FOXN3: variants seen among roughly 807,000 people sequenced by gnomAD.
FOXN3 encodes forkhead box protein N3.
Under a neutral mutation model 38.4 loss-of-function variants are expected in FOXN3, and 7 were observed. That is an observed-to-expected ratio of 0.18 (90% CI 0.10 to 0.34). The LOEUF is 0.34. FOXN3 is among the 10% of genes least tolerant of loss of function. FOXN3 has a pLI of 1.00. For missense variants in FOXN3, 456 were observed against 613.4 expected (o/e 0.74, Z 2.71); for synonymous variants, 230 against 242.2 (o/e 0.95, Z 0.47).
At chr14:89,165,093 T>C (rs1887206264) in intron 5 of FOXN3, among the ~76,000 whole-genome samples, 1 of 152,140 alleles carries the variant, frequency 6.6e-6, no homozygotes, top group South Asian at 2.1e-4. Flanking sequence ...ACACTTACAA[T>C]GTGTGCATTT....
At chr14:89,541,440 T>C (rs1374218240) in intron 1 of FOXN3, among the ~76,000 whole-genome samples, 1 of 152,124 alleles carries the variant, frequency 6.6e-6, no homozygotes, top group African/African-American at 2.4e-5. Context: ...CACAGGGACC[T>C]CTGGTCCTCC....
At chr14:89,578,862 G>C (rs967337541) in intron 1 of FOXN3, among the ~76,000 whole-genome samples, 3 of 151,888 alleles carry the variant, frequency 2.0e-5, no homozygotes, top group Admixed American at 2.0e-4. Flanking sequence ...GTTTTGTTTT[G>C]TTTGAGACAG....
intron 3 of FOXN3, among the ~76,000 whole-genome samples, chr14:89,348,186 GC>G (rs1382596261): frequency 1.3e-5 from 2 of 151,932 alleles, no homozygotes; most frequent in Non-Finnish European, 2.9e-5. Flanking sequence ...CTAAGTACCA[GC>G]CCCATGAAAG....
At chr14:89,396,377 C>T (rs1186528032) in intron 2 of FOXN3, among the ~76,000 whole-genome samples, 1 of 152,188 alleles carries the variant, frequency 6.6e-6, no homozygotes, top group Non-Finnish European at 1.5e-5. Flanking sequence ...CCAAGGCTTT[C>T]GGCACAGATC....
chr14:89,322,463 A>G (rs1887923470), intron 3 of FOXN3, among the ~76,000 whole-genome samples: 3 of 152,184 alleles, frequency 2.0e-5, no homozygotes. Context: ...AGATGCCTTT[A>G]AAGTGTAAAT....
chr14:89,170,433 CTTAT>C (rs1331588961), intron 5 of FOXN3, among the ~76,000 whole-genome samples: 4 of 152,224 alleles, frequency 2.6e-5, no homozygotes, highest in African/African-American at 9.6e-5. Context: ...TTTTTATCTA[CTTAT>C]TTATTTTTCA....
Position 89,583,062 on chromosome 14 carries a change from C to T in FOXN3, c.-15+35966G>A, listed in dbSNP as rs76667108. Among the ~76,000 whole-genome samples the T allele has an allele frequency of 6.7e-3, 1,026 of 152,300 alleles. 14 individuals carry two copies. Among genetic ancestry groups the T allele is most frequent in the Middle Eastern group, 0.014 (4 of 294 alleles). ...TTTGGTGTTATTGTAAATAAAGCTG[C>T]TATGAAGATTACATACAAGTCTTTG... On this transcript the variant is annotated intron_variant, in intron 1 of 6. Transcript: ENST00000345097.
At chr14:89,214,417 T>C (rs1884197968) in intron 4 of FOXN3, among the ~76,000 whole-genome samples, 1 of 152,204 alleles carries the variant, frequency 6.6e-6, no homozygotes, top group African/African-American at 2.4e-5. Context: ...TTGGTTAATC[T>C]CTTCACATCT....
intron 3 of FOXN3, among the ~76,000 whole-genome samples, chr14:89,328,886 T>C (rs542327833): frequency 1.3e-5 from 2 of 152,226 alleles, no homozygotes; most frequent in Admixed American, 6.5e-5. Flanking sequence ...GAGAAAGATA[T>C]AAGACGTGCA....
intron 4 of FOXN3, among the ~76,000 whole-genome samples, chr14:89,252,996 G>C (rs1275900940): frequency 6.6e-6 from 1 of 152,174 alleles, no homozygotes; most frequent in Admixed American, 6.5e-5. Flanking sequence ...CGAGAGCTTG[G>C]AAGGGGGTTG....
intron 5 of FOXN3, among the ~76,000 whole-genome samples, chr14:89,180,344 G>A (rs1447122140): frequency 6.6e-6 from 1 of 152,202 alleles, no homozygotes; most frequent in Non-Finnish European, 1.5e-5. Flanking sequence ...TCACAGGACA[G>A]GGGAGGGACA....
intron 2 of FOXN3, among the ~76,000 whole-genome samples, chr14:89,404,233 C>T (rs1891325106): frequency 6.6e-6 from 1 of 151,458 alleles, no homozygotes; most frequent in East Asian, 2.0e-4. Context: ...GATGGGGCTG[C>T]GCACGGTGGC....
At chr14:89,275,294 G>A (rs1393156625) in intron 4 of FOXN3, among the ~76,000 whole-genome samples, 1 of 152,146 alleles carries the variant, frequency 6.6e-6, no homozygotes, top group Admixed American at 6.5e-5. Flanking sequence ...AGCAGACACA[G>A]CTGGCTGAAG....
chr14:89,162,654 G>T lies in FOXN3; in HGVS notation c.1167C>A (p.Asp389Glu). The change falls in exon 6 of 6, where the codon GAC becomes GAA. Residue 389 changes from aspartate to glutamate, a missense_variant. Physicochemically the swap from Asp to Glu is conservative, Grantham distance 45 (BLOSUM62 2). Coordinates refer to ENST00000557258, the MANE Select transcript of FOXN3 (RefSeq NM_005197.4). The surrounding 1 kb of genome is among the most constrained non-coding windows in gnomAD (Gnocchi z 7.2). ...SQKEPKDSLG[D>E]SGYASQHKKR... ...TCTTGTGCTGGGATGCGTACCCGCTGTCCCCCAGAGAATCCTTGGGCTCCT... is the reference window on the plus strand; with the variant it reads ...TCTTGTGCTGGGATGCGTACCCGCTTTCCCCCAGAGAATCCTTGGGCTCCT... The T allele has an allele frequency of 6.2e-7, 1 of 1,614,008 alleles. No homozygotes were observed. Among genetic ancestry groups the T allele is most frequent in the Non-Finnish European group, 8.5e-7 (1 of 1,179,970 alleles).
intron 4 of FOXN3, among the ~76,000 whole-genome samples, chr14:89,203,144 A>G (rs559809167): frequency 6.6e-6 from 1 of 151,946 alleles, no homozygotes; most frequent in South Asian, 2.1e-4. Flanking sequence ...TAATTCAACT[A>G]TTTACAGCCC....
Position 89,344,738 on chromosome 14 carries a change from T to G in FOXN3, c.680+5934A>C, listed in dbSNP as rs11627373. 2.0e-5 allele frequency among the ~76,000 whole-genome samples: 3 copies of G among 152,006 alleles called. No homozygotes were observed. In the East Asian group the frequency reaches 5.8e-4, roughly 29 times the overall value. On this transcript the variant is annotated intron_variant, in intron 3 of 5. Coordinates refer to ENST00000557258, the MANE Select transcript of FOXN3 (RefSeq NM_005197.4). ...TGTCTTTTCATTTAACTGTCAGACATTGAGAAAGGTTAGAAAAATAGAAAT... is the reference window on the plus strand; with the variant it reads ...TGTCTTTTCATTTAACTGTCAGACAGTGAGAAAGGTTAGAAAAATAGAAAT...
At chr14:89,270,762 A>AT (rs1486488843) in intron 4 of FOXN3, among the ~76,000 whole-genome samples, 6 of 152,102 alleles carry the variant, frequency 3.9e-5, no homozygotes, top group Non-Finnish European at 8.8e-5. Flanking sequence ...TGCAAGAGGG[A>AT]TTTTTTTTCA....
intron 1 of FOXN3, among the ~76,000 whole-genome samples, chr14:89,449,794 T>C (rs1596278484): frequency 6.6e-6 from 1 of 152,232 alleles, no homozygotes; most frequent in Middle Eastern, 3.4e-3. Context: ...CCCTCCCTCC[T>C]CAACTGAAGG....
intron 1 of FOXN3, among the ~76,000 whole-genome samples, chr14:89,464,126 C>T (rs1370484248): frequency 6.6e-6 from 1 of 152,180 alleles, no homozygotes; most frequent in Non-Finnish European, 1.5e-5. Flanking sequence ...CAAGGTAGTG[C>T]AGACAGAGTG....
Sources: allele counts gnomAD v4.1 joint callset (sites outside exome capture counted in the v4.1 genomes callset), GRCh38; gene constraint gnomAD v4.1.1; non-coding constraint Gnocchi (gnomAD v3.1); transcripts MANE v1.5; gene names NCBI Gene and HGNC (gene_info 2026-07-23, HGNC 2026-07-21).